The following SCAF11 variants were observed in gnomAD, a reference collection of about 807,000 sequenced individuals.
The protein encoded by SCAF11 is protein SCAF11.
A neutral mutation model predicts 140.5 loss-of-function variants in SCAF11; 47 were observed. The ratio of observed to expected loss-of-function variants is 0.33; its 90% CI spans 0.26 to 0.43. The LOEUF is 0.43. Among genes scored for constraint, SCAF11 ranks in the 20% least tolerant of loss-of-function variants. The pLI, the probability that SCAF11 is intolerant of heterozygous loss-of-function variation, is 1.00. For synonymous variants in SCAF11, 557 were observed against 579.4 expected (o/e 0.96, Z 0.55); for missense variants, 1,645 against 1,705.1 (o/e 0.96, Z 0.62).
At chr12:45,933,281 C>CA in intron 8 of SCAF11, 49 bp from the exon 9 acceptor site, 8 of 1,318,994 alleles carry the variant, frequency 6.1e-6, no homozygotes, top group South Asian at 1.3e-5. Flanking sequence ...ATTTTAGGTT[C>CA]AAAAAAACAA....
Position 45,972,851 on chromosome 12 carries a change from TATATATATATATCG to T in SCAF11, c.-21-8677_-21-8664del, listed in dbSNP as rs1565688520. Among the ~76,000 whole-genome samples, 14 of 129,932 alleles carry T rather than the reference TATATATATATATCG, an allele frequency of 1.1e-4. 1 individual carries two copies. In the South Asian group the frequency reaches 1.6e-3, roughly 15 times the overall value. The allele number at this position is 129,932 out of a possible 152,430, so 85.2% of individuals were successfully genotyped here. On this transcript the variant is annotated intron_variant, in intron 1 of 14. Coordinates refer to ENST00000369367, the MANE Select transcript of SCAF11 (RefSeq NM_004719.3). ...AGCAGACAAAGATTTAAAGCCAGTA[TATATATATATATCG>T]ATATATATATATATAGATATATATA...
chr12:45,974,511 T>A (rs1380437335), intron 1 of SCAF11: 1 of 209,134 alleles, frequency 4.8e-6, no homozygotes, highest in African/African-American at 2.3e-5. Context: ...TATATACTAT[T>A]TTAACAATGT....
At chr12:45,974,109 A>ATATG in intron 1 of SCAF11, 1 of 442,750 alleles carries the variant, frequency 2.3e-6, no homozygotes, top group African/African-American at 2.0e-5. Flanking sequence ...TTCCTAGTAT[A>ATATG]TATGTTTATA....
intron 1 of SCAF11, chr12:45,975,786 T>C (rs1418712994): frequency 6.6e-6 from 1 of 152,126 alleles, no homozygotes; most frequent in Non-Finnish European, 1.5e-5. Context: ...AGAGAACAGC[T>C]GGTCAGTGGA....
chr12:45,988,178 G>C (rs897106162), intron 1 of SCAF11, among the ~76,000 whole-genome samples: 6 of 152,134 alleles, frequency 3.9e-5, no homozygotes, highest in Non-Finnish European at 8.8e-5. Flanking sequence ...GGTAAGTCAA[G>C]GTACAATTTA....
chr12:45,961,220 C>T, intron 3 of SCAF11: 1 of 668,922 alleles, frequency 1.5e-6, no homozygotes. Context: ...ACATAAAATC[C>T]AAGTTTCCTC....
chr12:45,975,703 C>A (rs769072101), intron 1 of SCAF11: 1 of 152,360 alleles, frequency 6.6e-6, no homozygotes, highest in African/African-American at 2.4e-5. Flanking sequence ...TTCTTCATAT[C>A]AGTGACAAGG....
Position 45,928,544 on chromosome 12 carries a change from AGTAAAGGTG to A in SCAF11, c.1148_1156del (p.Pro383_Leu385del), listed in dbSNP as rs777158230. ...TACAGAGCTCCGAAGTTTCTTTTTC[AGTAAAGGTG>A]GTTTTCTTCCTCTTCTTACAGACTT... On this transcript the variant is annotated inframe_deletion, in exon 11 of 15. Transcript: ENST00000369367. 9 of 1,614,004 alleles carry A rather than the reference AGTAAAGGTG, an allele frequency of 5.6e-6. No homozygotes were observed. The African/African-American group carries it at 1.2e-4, about 22-fold the overall frequency.
At chr12:45,957,762 T>C (rs1201927496) in intron 3 of SCAF11, among the ~76,000 whole-genome samples, 1 of 152,174 alleles carries the variant, frequency 6.6e-6, no homozygotes, top group African/African-American at 2.4e-5. Flanking sequence ...CCTCATCACA[T>C]ATACTGCAGG....
At chr12:45,932,654 G>A (rs1182910331) in intron 9 of SCAF11, among the ~76,000 whole-genome samples, 1 of 152,114 alleles carries the variant, frequency 6.6e-6, no homozygotes, top group Non-Finnish European at 1.5e-5. Flanking sequence ...CACCATCTTA[G>A]TAGCTTCAAG....
At chr12:45,924,622 A>T in intron 12 of SCAF11, 106 bp downstream of exon 12, 1 of 892,414 alleles carries the variant, frequency 1.1e-6, no homozygotes, top group Non-Finnish European at 1.7e-6. Context: ...AAATCAAATA[A>T]ACAATTGTTT....
chr12:45,927,259 G>A lies in SCAF11; in HGVS notation c.2442C>T (p.Pro814=). The A allele has an allele frequency of 6.2e-7, 1 of 1,613,842 alleles. No homozygotes were observed. The highest frequency in any genetic ancestry group is 2.2e-5 in the East Asian group (1 of 44,876). Residue 814 remains proline (P), a synonymous_variant, in exon 11 of 15, where the codon CCC becomes CCT. Transcript: ENST00000369367. ...NKDTPQEKKR[P]QSPSPRRETG... Reference sequence around the variant, plus strand: ...TTTCTCTTCTGGGAGATGGAGACTGGGGCCGCTTCTTTTCTTGTGGAGTGT... The same window carrying A: ...TTTCTCTTCTGGGAGATGGAGACTGAGGCCGCTTCTTTTCTTGTGGAGTGT...
rs532249589 is a variant in SCAF11, at chr12:45,963,989, G to T, written c.61+118C>A. On this transcript the variant is annotated intron_variant, in intron 2 of 14. Coordinates refer to ENST00000369367, the MANE Select transcript of SCAF11 (RefSeq NM_004719.3). ...GTGTATACTTAGGCAGCTTATTTTG[G>T]AATTTAAGAACAACAATAACAAAAA... 9.6e-5 allele frequency: 59 copies of T among 613,230 alleles called. No homozygotes were observed. The African/African-American group carries it at 1.1e-3, about 12-fold the overall frequency. 38.0% of individuals were successfully genotyped at this position (613,230 alleles called of 1,614,324 possible). A position where few individuals can be genotyped will look rare whatever the true frequency, so the allele number is the denominator to read the frequency against.
In SCAF11 at chr12:45,926,432, T is replaced by G. The variant is rs1275338989; in HGVS notation, c.3269A>C (p.Lys1090Thr). 1.2e-6 allele frequency: 2 copies of G among 1,614,232 alleles called. No individual in the cohort carries two copies. The highest frequency in any genetic ancestry group is 1.7e-6 in the Non-Finnish European group (2 of 1,180,034). ...TTGCCACCGATTTTCATTCTGATCTTTATAGGCAAAACTACTTCTGTAAGT... is the reference window on the plus strand; with the variant it reads ...TTGCCACCGATTTTCATTCTGATCTGTATAGGCAAAACTACTTCTGTAAGT... ...RGTYRSSFAY[K>T]DQNENRWQNR... The change falls in exon 11 of 15, where the codon AAA becomes ACA. Residue 1090 changes from lysine (K) to threonine (T), a missense_variant. Lys to Thr is a moderately conservative substitution (Grantham distance 78). Around this residue, in one of 2 missense-constraint regions of SCAF11, gnomAD observed 1,582 missense variants for 1,609.2 expected, o/e 0.98. Coordinates refer to ENST00000369367, the MANE Select transcript of SCAF11 (RefSeq NM_004719.3).
chr12:45,990,798 T>G (rs1946587813), upstream of SCAF11, among the ~76,000 whole-genome samples: 1 of 151,834 alleles, frequency 6.6e-6, no homozygotes, highest in African/African-American at 2.4e-5. Context: ...AGAAGCGTGG[T>G]GGGTGGAGTC....
chr12:45,950,636 A>T (rs1945528021), intron 4 of SCAF11, among the ~76,000 whole-genome samples: 1 of 152,224 alleles, frequency 6.6e-6, no homozygotes, highest in Non-Finnish European at 1.5e-5. Context: ...TTTCTGAGAT[A>T]TAAACTAATT....
chr12:45,947,296 AC>A (rs759767121), intron 5 of SCAF11, among the ~76,000 whole-genome samples: 18 of 152,184 alleles, frequency 1.2e-4, no homozygotes, highest in South Asian at 2.1e-4. Flanking sequence ...TATTCAATTT[AC>A]CTCAAAAATG....
At chr12:45,969,207 T>C (rs945540524) in intron 1 of SCAF11, among the ~76,000 whole-genome samples, 2 of 152,242 alleles carry the variant, frequency 1.3e-5, no homozygotes, top group Non-Finnish European at 2.9e-5. Context: ...GCTAAGAATG[T>C]ACATTCCATT....
chr12:45,991,896 T>C (rs1296845931), upstream of SCAF11: 1 of 1,286,820 alleles, frequency 7.8e-7, no homozygotes, highest in Admixed American at 2.3e-5. Context: ...CAGGTCCCAG[T>C]CGCTTTCAGC....
Sources: gnomAD v4.1 joint callset for allele counts (sites outside exome capture counted in the v4.1 genomes callset) on GRCh38, gnomAD v4.1.1 for gene constraint, gnomAD v4.1.1 regional missense constraint, MANE v1.5 for transcripts, NCBI Gene and HGNC (gene_info 2026-07-23, HGNC 2026-07-21) for gene names.